The following DSG4 variants were observed in gnomAD, a reference collection of about 807,000 sequenced individuals.
The protein encoded by DSG4 is desmoglein-4.
DSG4 carries 87 observed loss-of-function variants against 93.1 expected under a neutral mutation model. The observed-to-expected ratio is 0.93, with a 90% CI of 0.79 to 1.12. The LOEUF is 1.12. Ranked by LOEUF, DSG4 falls within the 50% of genes most tolerant of loss-of-function variation. The probability of loss-of-function intolerance (pLI) is 0.00; values close to 1 mark genes in which losing one functional copy is unlikely to be tolerated. For synonymous variants in DSG4, 432 were observed against 452.9 expected (o/e 0.95, Z 0.59); for missense variants, 1,373 against 1,285.7 (o/e 1.07, Z -1.04).
rs755934013 is a variant in DSG4, at chr18:31,388,946, G to T, written c.445G>T (p.Asp149Tyr). ...TCTTGAGCTTAGAGTCAAAGTTATGGACATAAATGATAACGCTCCAGTCTT... is the reference window on the plus strand; with the variant it reads ...TCTTGAGCTTAGAGTCAAAGTTATGTACATAAATGATAACGCTCCAGTCTT... The part of the protein sequence containing the change: ...RPLELRVKVM[D>Y]INDNAPVFSQ... The change falls in exon 5 of 16, where the codon GAC becomes TAC. Residue 149 changes from aspartate to tyrosine, a missense_variant. Transcript: ENST00000308128. 6.2e-7 allele frequency: 1 copy of T among 1,613,556 alleles called. No homozygotes were observed. Among genetic ancestry groups the T allele is most frequent in the African/African-American group, 1.3e-5 (1 of 74,992 alleles).
chr18:31,406,063 C>T lies in DSG4; in HGVS notation c.1637-14C>T, dbSNP rs776232998. 1.3e-5 allele frequency: 21 copies of T among 1,613,738 alleles called. No homozygotes were observed. Among genetic ancestry groups the T allele is most frequent in the Admixed American group, 5.0e-5 (3 of 60,000 alleles). On this transcript the variant is annotated splice_polypyrimidine_tract_variant and intron_variant, in intron 11 of 15. Transcript: ENST00000308128. The stretch of plus-strand genomic sequence containing the variant: ...AATTTCCATTTATTTTCTGTTTCCT[C>T]TCTTCCATTTCAGCTACCTCGGCAA...
At chr18:31,400,442 C>CAG (rs2072352389) in intron 9 of DSG4, among the ~76,000 whole-genome samples, 1 of 152,078 alleles carries the variant, frequency 6.6e-6, no homozygotes, top group Admixed American at 6.6e-5. Context: ...TCACACTGAA[C>CAG]AGAGGATATC....
At chr18:31,408,953 A>G (rs16961855) in intron 12 of DSG4, among the ~76,000 whole-genome samples, 2,418 of 152,332 alleles carry the variant, frequency 0.016, 56 homozygotes, top group African/African-American at 0.056. Context: ...TCTATAAACA[A>G]AGTCTTAAAA....
At chr18:31,397,686 A>G (rs775286905) in intron 8 of DSG4, among the ~76,000 whole-genome samples, 3 of 152,142 alleles carry the variant, frequency 2.0e-5, no homozygotes, top group African/African-American at 4.8e-5. Context: ...GCAAAAGTGC[A>G]TTTGTGTATA....
intron 11 of DSG4, among the ~76,000 whole-genome samples, chr18:31,403,888 C>G (rs1019141771): frequency 6.6e-6 from 1 of 152,124 alleles, no homozygotes; most frequent in African/African-American, 2.4e-5. Flanking sequence ...GTTTACCCAT[C>G]ATTTTGAGTA....
intron 12 of DSG4, among the ~76,000 whole-genome samples, chr18:31,407,731 A>G (rs552823311): frequency 1.4e-4 from 22 of 152,368 alleles, no homozygotes; most frequent in Middle Eastern, 6.8e-3. Flanking sequence ...TGCAAAGATC[A>G]TGAGTGATTC....
rs939315116 is a variant in DSG4 at position 31,378,761 on chromosome 18, G to A, written c.48+1802G>A. ...AATTAATAGTGTCTGGAATTGGGAGGTAGAGACTTCTGGCATATTTCAAAA... is the reference window on the plus strand; with the variant it reads ...AATTAATAGTGTCTGGAATTGGGAGATAGAGACTTCTGGCATATTTCAAAA... On this transcript the variant is annotated intron_variant, in intron 1 of 15. Coordinates refer to ENST00000308128, the MANE Select transcript of DSG4 (RefSeq NM_177986.5). 1.9e-4 allele frequency among the ~76,000 whole-genome samples: 29 copies of A among 152,212 alleles called. 1 individual carries two copies. The highest frequency in any genetic ancestry group is 2.1e-4 in the South Asian group (1 of 4,822).
intron 15 of DSG4, 102 bp from the exon 16 acceptor site, chr18:31,412,726 C>A: frequency 8.1e-7 from 1 of 1,227,246 alleles, no homozygotes; most frequent in Non-Finnish European, 1.2e-6. Context: ...TCAGTTTATT[C>A]CGTAACAACT....
chr18:31,390,917 G>A, intron 6 of DSG4, 95 bp downstream of exon 6: 1 of 1,517,544 alleles, frequency 6.6e-7, no homozygotes, highest in South Asian at 1.2e-5. Flanking sequence ...CAATATAAAG[G>A]AGGGAAGAAA....
intron 1 of DSG4, chr18:31,382,434 A>G (rs2072145940): frequency 6.6e-6 from 1 of 152,258 alleles, no homozygotes; most frequent in Admixed American, 6.5e-5. Context: ...GTCTTAAAAA[A>G]GAAAAATTTT....
At chr18:31,389,052 G>A (rs2072221564) in intron 5 of DSG4, 34 bp downstream of exon 5, 2 of 1,607,886 alleles carry the variant, frequency 1.2e-6, no homozygotes, top group South Asian at 1.1e-5. Context: ...CTACGTCACA[G>A]CATATCTACT....
In DSG4 at chr18:31,406,207, C is replaced by T. The variant is rs774893070; in HGVS notation, c.1767C>T (p.Cys589=). 17 of 1,614,122 alleles carry T rather than the reference C, an allele frequency of 1.1e-5. No individual in the cohort carries two copies. Among genetic ancestry groups the T allele is most frequent in the Admixed American group, 3.3e-5 (2 of 60,022 alleles). ...TGGTGCAGTTATATGCCTGTGATTG[C>T]GATGACAACCACATGTGCCTGGACT... ...AQMVQLYACD[C]DDNHMCLDSG... The change falls in exon 12 of 16, where the codon TGC becomes TGT. Residue 589 remains cysteine, a synonymous_variant. Coordinates refer to ENST00000308128, the MANE Select transcript of DSG4 (RefSeq NM_177986.5).
intron 10 of DSG4, 85 bp from the exon 11 acceptor site, chr18:31,403,331 G>A (rs2072389110): frequency 8.6e-7 from 1 of 1,157,280 alleles, no homozygotes; most frequent in African/African-American, 1.5e-5. Flanking sequence ...TTTCCTACAA[G>A]TTCCATGGCA....
chr18:31,410,289 G>C (rs1212788725), intron 14 of DSG4, among the ~76,000 whole-genome samples: 1 of 151,708 alleles, frequency 6.6e-6, no homozygotes, highest in Non-Finnish European at 1.5e-5. Flanking sequence ...GCTTATGATA[G>C]TACCTACTTT....
At chr18:31,392,463 T>C in intron 8 of DSG4, 123 bp downstream of exon 8, 1 of 1,073,762 alleles carries the variant, frequency 9.3e-7, no homozygotes, top group Non-Finnish European at 1.4e-6. Flanking sequence ...ATATTGTTTA[T>C]ATCAAGGGTC....
At chr18:31,409,632 G>T in intron 13 of DSG4, 41 bp downstream of exon 13, 1 of 1,614,238 alleles carries the variant, frequency 6.2e-7, no homozygotes, top group South Asian at 1.1e-5. Context: ...TGGAGTTTCA[G>T]TGGAAATTGA....
intron 5 of DSG4, 121 bp from the exon 6 acceptor site, chr18:31,390,535 T>C (rs878862890): frequency 1.7e-6 from 2 of 1,176,390 alleles, no homozygotes; most frequent in South Asian, 1.3e-5. Context: ...TATATTCCCA[T>C]GGAAAACTCA....
intron 6 of DSG4, 97 bp downstream of exon 6, chr18:31,390,919 G>C: frequency 1.3e-6 from 2 of 1,515,208 alleles, no homozygotes; most frequent in East Asian, 4.9e-5. Context: ...ATATAAAGGA[G>C]GGAAGAAAAA....
intron 1 of DSG4, among the ~76,000 whole-genome samples, chr18:31,381,295 C>G (rs1388496768): frequency 1.3e-5 from 2 of 152,222 alleles, no homozygotes; most frequent in East Asian, 3.9e-4. Flanking sequence ...CATTGCCATT[C>G]CAACACCTGA....
Sources: gnomAD v4.1 joint callset for allele counts (sites outside exome capture counted in the v4.1 genomes callset) on GRCh38, gnomAD v4.1.1 for gene constraint, MANE v1.5 for transcripts, NCBI Gene and HGNC (gene_info 2026-07-23, HGNC 2026-07-21) for gene names.